Variants in RHBDF2 observed in about 807,000 individuals in gnomAD.
RHBDF2 encodes rhomboid 5 homolog 2.
A neutral mutation model predicts 95.2 loss-of-function variants in RHBDF2; 38 were observed. That is an observed-to-expected ratio of 0.40 (90% CI 0.31 to 0.52). The LOEUF is 0.52. RHBDF2 is among the 20% of genes least tolerant of loss of function. The probability of loss-of-function intolerance (pLI) is 0.56; values close to 1 mark genes in which losing one functional copy is unlikely to be tolerated. For synonymous variants in RHBDF2, 442 were observed against 462.0 expected, an observed-to-expected ratio of 0.96 and a Z score of 0.55; for missense variants, 863 against 1,137.7, an observed-to-expected ratio of 0.76 and a Z score of 3.47.
chr17:76,471,540 C>T lies in RHBDF2; in HGVS notation c.*93G>A. On this transcript the variant is annotated 3_prime_UTR_variant, in exon 19 of 19. Coordinates refer to ENST00000675367, the MANE Select transcript of RHBDF2 (RefSeq NM_001005498.4). Reference sequence around the variant, plus strand: ...CCCGGGCCCTGTCTTGGGTCTCTGGCTCTCTGGCACACAGAGAGCGCTCTG... The same window carrying T: ...CCCGGGCCCTGTCTTGGGTCTCTGGTTCTCTGGCACACAGAGAGCGCTCTG... 7.3e-7 allele frequency: 1 copy of T among 1,372,002 alleles called. No individual in the cohort carries two copies. Among genetic ancestry groups the T allele is most frequent in the Admixed American group, 2.8e-5 (1 of 35,522 alleles). 85.0% of individuals were successfully genotyped at this position (1,372,002 alleles called of 1,614,324 possible).
intron 1 of RHBDF2, among the ~76,000 whole-genome samples, chr17:76,489,969 G>C (rs1437804265): frequency 6.6e-6 from 1 of 152,202 alleles, no homozygotes; most frequent in Non-Finnish European, 1.5e-5. Context: ...CCCTCTCAGG[G>C]AGCCAGAGAG....
At chr17:76,499,367 G>A (rs1257553733) in intron 1 of RHBDF2, among the ~76,000 whole-genome samples, 6 of 152,116 alleles carry the variant, frequency 3.9e-5, no homozygotes, top group African/African-American at 4.8e-5. Flanking sequence ...CTCTCCCACC[G>A]TGCCAGCCAC....
chr17:76,478,257 G>A (rs2073835085), intron 6 of RHBDF2, among the ~76,000 whole-genome samples: 1 of 152,210 alleles, frequency 6.6e-6, no homozygotes, highest in Admixed American at 6.5e-5. Flanking sequence ...CCCCCTCAAA[G>A]CACTGTACTT....
At position 76,477,511 on chromosome 17, in the gene RHBDF2, A is replaced by AG. The variant is rs3833088; in HGVS notation, c.801+145dup. 0.44 allele frequency: 490,331 copies of AG among 1,112,424 alleles called. 112,603 individuals carry two copies. The highest frequency in any genetic ancestry group is 0.51 in the Middle Eastern group (2,463 of 4,822). The allele number at this position is 1,112,424 out of a possible 1,614,324, so 68.9% of individuals were successfully genotyped here. A position where few individuals can be genotyped will look rare whatever the true frequency, so the allele number is the denominator to read the frequency against. On this transcript the variant is annotated intron_variant, in intron 7 of 18. Transcript: ENST00000675367. ...CTACCCAACAGAAAGATGGGGGCCC[A>AG]GCAGCTCCACATAGGACCATGCCAC...
chr17:76,475,093 C>T lies in RHBDF2; in HGVS notation c.1164G>A (p.Leu388=). 1 of 1,601,152 alleles carries T rather than the reference C, an allele frequency of 6.2e-7. No individual in the cohort carries two copies. The highest frequency in any genetic ancestry group is 8.5e-7 in the Non-Finnish European group (1 of 1,174,768). ...CGATGCCATACGTGCAAATCACCAG[C>T]AGCGTGATGATGACATGGACGAAGG... ...WLTFVHVIIT[L]LVICTYGIAP... is the part of the protein sequence containing the mutation. Residue 388 remains leucine (L), a synonymous_variant, in exon 10 of 19, where the codon CTG becomes CTA. Coordinates refer to ENST00000675367, the MANE Select transcript of RHBDF2 (RefSeq NM_001005498.4).
chr17:76,474,026 G>A lies in RHBDF2; in HGVS notation c.1574+7C>T, dbSNP rs568757638. 9.9e-6 allele frequency: 16 copies of A among 1,611,684 alleles called. No homozygotes were observed. In the East Asian group the frequency reaches 3.1e-4, roughly 31 times the overall value. ...CCCTGAGGCCCAGCAGAGGCTCCAGGCCCTACCTGGGGTCCTGGTGGCAGA... is the reference window on the plus strand; with the variant it reads ...CCCTGAGGCCCAGCAGAGGCTCCAGACCCTACCTGGGGTCCTGGTGGCAGA... On this transcript the variant is annotated splice_region_variant and intron_variant, in intron 13 of 18. Coordinates refer to ENST00000675367, the MANE Select transcript of RHBDF2 (RefSeq NM_001005498.4).
intron 1 of RHBDF2, among the ~76,000 whole-genome samples, chr17:76,489,426 C>A (rs1216507526): frequency 6.6e-6 from 1 of 151,522 alleles, no homozygotes; most frequent in Non-Finnish European, 1.5e-5. Flanking sequence ...CGGGTTCACG[C>A]CATTCTCCTG....
At chr17:76,473,479 C>G in intron 15 of RHBDF2, 152 bp from the exon 16 acceptor site, 1 of 964,636 alleles carries the variant, frequency 1.0e-6, no homozygotes, top group Middle Eastern at 2.4e-4. Context: ...AAGCTTCCTT[C>G]CTCCAGCTCG....
At position 76,471,776 on chromosome 17, in the gene RHBDF2, G is replaced by A; in HGVS notation, c.2341C>T (p.Leu781=). Residue 781 remains leucine (L), a synonymous_variant, in exon 19 of 19, where the codon CTG becomes TTG. Coordinates refer to ENST00000675367, the MANE Select transcript of RHBDF2 (RefSeq NM_001005498.4). ...GCGGCGAAGAGGCCGGCAAAGGCCA[G>A]CAGTGACACCAGGATGAGTGCCCGC... ...RKRALILVSL[L]AFAGLFAALV... 1 of 1,609,284 alleles carries A rather than the reference G, an allele frequency of 6.2e-7. No individual in the cohort carries two copies. Among genetic ancestry groups the A allele is most frequent in the African/African-American group, 1.3e-5 (1 of 75,016 alleles).
At chr17:76,483,148 C>T (rs907412616) in intron 2 of RHBDF2, among the ~76,000 whole-genome samples, 1 of 152,190 alleles carries the variant, frequency 6.6e-6, no homozygotes, top group Admixed American at 6.5e-5. Context: ...CTCCCAGGTT[C>T]AAGCAATTCT....
intron 12 of RHBDF2, 44 bp from the exon 13 acceptor site, chr17:76,474,186 C>T (rs763126113): frequency 2.1e-6 from 3 of 1,440,442 alleles, no homozygotes; most frequent in Non-Finnish European, 2.8e-6. Context: ...GGGGCCAGGT[C>T]ACCCCCACTG....
intron 3 of RHBDF2, 117 bp from the exon 4 acceptor site, chr17:76,479,971 C>G (rs138663576): frequency 1.4e-6 from 2 of 1,418,970 alleles, no homozygotes; most frequent in Non-Finnish European, 1.9e-6. Context: ...CTGATTTATG[C>G]CCCAATTTGC....
intron 2 of RHBDF2, among the ~76,000 whole-genome samples, chr17:76,483,878 C>T (rs955040575): frequency 6.6e-6 from 1 of 152,160 alleles, no homozygotes; most frequent in African/African-American, 2.4e-5. Flanking sequence ...CCCCAGTTCC[C>T]CTCTGACTCC....
intron 2 of RHBDF2, among the ~76,000 whole-genome samples, chr17:76,485,677 G>T (rs2144287066): frequency 6.6e-6 from 1 of 152,324 alleles, no homozygotes; most frequent in Non-Finnish European, 1.5e-5. Flanking sequence ...GTGCCCGGCA[G>T]CACGGCTCTG....
chr17:76,473,214 G>C, intron 16 of RHBDF2, 38 bp downstream of exon 16: 1 of 1,600,410 alleles, frequency 6.2e-7, no homozygotes, highest in African/African-American at 1.3e-5. Flanking sequence ...CATGCCCAGC[G>C]TCCTCTCCTC....
In RHBDF2 at chr17:76,476,848, T is replaced by C; in HGVS notation, c.1097A>G (p.Glu366Gly). 1 of 1,608,442 alleles carries C rather than the reference T, an allele frequency of 6.2e-7. No individual in the cohort carries two copies. Among genetic ancestry groups the C allele is most frequent in the Non-Finnish European group, 8.5e-7 (1 of 1,178,422 alleles). The stretch of plus-strand genomic sequence containing the variant: ...ACCTCACCGGTGGCTGTCGAAGCTC[T>C]CCAGCTGCCGCTGCACAGTGCTGCT... ...SISSTVQRQL[E>G]SFDSHRPYFT... Residue 366 changes from glutamate (E) to glycine (G), a missense_variant, in exon 9 of 19, where the codon GAG becomes GGG. Coordinates refer to ENST00000675367, the MANE Select transcript of RHBDF2 (RefSeq NM_001005498.4).
chr17:76,486,077 TACACACACACACACACACAC>T (rs57942849), intron 2 of RHBDF2, among the ~76,000 whole-genome samples: 8 of 144,884 alleles, frequency 5.5e-5, no homozygotes, highest in South Asian at 2.2e-4. Context: ...TATATATATG[TACACACACACACACACACAC>T]ACACACACAC....
At chr17:76,475,247 G>C (rs1023825192) in intron 9 of RHBDF2, 106 bp from the exon 10 acceptor site, 3 of 722,608 alleles carry the variant, frequency 4.2e-6, no homozygotes, top group African/African-American at 3.5e-5. Flanking sequence ...TGGGCTCCCT[G>C]TTCTGCCCCG....
Position 76,477,384 on chromosome 17 carries a change from C to G in RHBDF2, c.802-86G>C, listed in dbSNP as rs981790347. 2.7e-6 allele frequency: 4 copies of G among 1,460,822 alleles called. No homozygotes were observed. In the African/African-American group the frequency reaches 5.6e-5, roughly 21 times the overall value. The allele number at this position is 1,460,822 out of a possible 1,614,324, so 90.5% of individuals were successfully genotyped here. The stretch of plus-strand genomic sequence containing the variant: ...ACCTCAATTCAAGGGCAGGACACAG[C>G]TGAACAGACGGGCTCTTCACAATGA... On this transcript the variant is annotated intron_variant, in intron 7 of 18. Transcript: ENST00000675367.
Sources: gnomAD v4.1 joint callset for allele counts (sites outside exome capture counted in the v4.1 genomes callset) on GRCh38, gnomAD v4.1.1 for gene constraint, MANE v1.5 for transcripts, NCBI Gene and HGNC (gene_info 2026-07-23, HGNC 2026-07-21) for gene names.